The following KCNH8 variants were observed in gnomAD, a reference collection of about 807,000 sequenced individuals.
KCNH8 encodes the protein potassium voltage-gated channel subfamily H member 8.
KCNH8 carries 70 observed loss-of-function variants against 103.6 expected under a neutral mutation model. The observed-to-expected ratio is 0.68, with a 90% CI of 0.56 to 0.82. KCNH8 has a LOEUF of 0.82. KCNH8 is among the 40% of genes least tolerant of loss of function. The pLI is 0.00. For synonymous variants in KCNH8, 498 were observed against 489.4 expected, an observed-to-expected ratio of 1.02 and a Z score of -0.23; for missense variants, 1,217 against 1,329.9, an observed-to-expected ratio of 0.92 and a Z score of 1.32.
At chr3:19,409,053 C>G (rs2066736086) in intron 7 of KCNH8, among the ~76,000 whole-genome samples, 1 of 151,624 alleles carries the variant, frequency 6.6e-6, no homozygotes, top group African/African-American at 2.4e-5. Context: ...CAAATATCAC[C>G]AAGACATATA....
intron 15 of KCNH8, among the ~76,000 whole-genome samples, chr3:19,518,829 A>C (rs1471805200): frequency 6.6e-6 from 1 of 152,034 alleles, no homozygotes; most frequent in Admixed American, 6.6e-5. Context: ...AGAAATAAAT[A>C]CAAAAATAAG....
chr3:19,500,861 A>G (rs2068565535), intron 11 of KCNH8, among the ~76,000 whole-genome samples: 1 of 152,210 alleles, frequency 6.6e-6, no homozygotes, highest in Non-Finnish European at 1.5e-5. Context: ...TAACATGACA[A>G]TTAAAAGATC....
chr3:19,528,588 C>G (rs2069105992), intron 15 of KCNH8, among the ~76,000 whole-genome samples: 1 of 152,094 alleles, frequency 6.6e-6, no homozygotes, highest in African/African-American at 2.4e-5. Flanking sequence ...TATGTGAATT[C>G]TAACAGTCAT....
At chr3:19,494,151 T>C (rs1198903616) in intron 11 of KCNH8, among the ~76,000 whole-genome samples, 1 of 152,218 alleles carries the variant, frequency 6.6e-6, no homozygotes, top group Admixed American at 6.5e-5. Context: ...TCCACCCACG[T>C]TGCTGCAAAG....
intron 9 of KCNH8, chr3:19,450,638 G>A (rs1015052833): frequency 1.4e-4 from 45 of 315,102 alleles, no homozygotes; most frequent in Admixed American, 3.4e-4. Context: ...TCAAGTTTCT[G>A]TTTCCCTTAA....
At chr3:19,237,720 T>G (rs2064083856) in intron 1 of KCNH8, among the ~76,000 whole-genome samples, 1 of 152,180 alleles carries the variant, frequency 6.6e-6, no homozygotes, top group South Asian at 2.1e-4. Context: ...GTATATTAGC[T>G]CTGATTCACT....
chr3:19,282,043 C>T (rs2064763384), intron 3 of KCNH8, among the ~76,000 whole-genome samples: 1 of 152,050 alleles, frequency 6.6e-6, no homozygotes, highest in South Asian at 2.1e-4. Flanking sequence ...AAGCAATTAT[C>T]CTTTGTGGAT....
At chr3:19,263,030 C>T (rs190609154) in intron 2 of KCNH8, among the ~76,000 whole-genome samples, 20 of 152,054 alleles carry the variant, frequency 1.3e-4, no homozygotes, top group Admixed American at 2.6e-4. Flanking sequence ...TCATTAGCAC[C>T]GTGGGCATTA....
chr3:19,323,067 A>T lies in KCNH8; in HGVS notation c.443-19520A>T, dbSNP rs79999219. Among the ~76,000 whole-genome samples, 649 of 152,162 alleles carry T rather than the reference A, an allele frequency of 4.3e-3. 8 individuals are homozygous for T. Among genetic ancestry groups the T allele is most frequent in the Admixed American group, 0.014 (217 of 15,288 alleles). ...GATTGTTTTTTACGTTTGCTATTTC[A>T]TTGGAGATTTTTCCAGTCATATCCT... On this transcript the variant is annotated intron_variant, in intron 3 of 15. Coordinates refer to ENST00000328405, the MANE Select transcript of KCNH8 (RefSeq NM_144633.3).
intron 5 of KCNH8, among the ~76,000 whole-genome samples, chr3:19,374,684 A>T (rs2066162555): frequency 6.7e-6 from 1 of 149,002 alleles, no homozygotes; most frequent in African/African-American, 2.5e-5. Context: ...TAGTTGATGC[A>T]GTTTCTTCCT....
chr3:19,533,248 C>T (rs2069197838), intron 15 of KCNH8, 147 bp from the exon 16 acceptor site: 1 of 593,236 alleles, frequency 1.7e-6, no homozygotes, highest in East Asian at 2.9e-5. Flanking sequence ...TTCTTTTTCA[C>T]CAAGCAAATG....
chr3:19,434,235 A>T (rs574582747), intron 7 of KCNH8, among the ~76,000 whole-genome samples: 1 of 152,350 alleles, frequency 6.6e-6, no homozygotes, highest in African/African-American at 2.4e-5. Context: ...ATATGTAAGT[A>T]TGTTTCTTAT....
intron 11 of KCNH8, among the ~76,000 whole-genome samples, chr3:19,460,327 T>C (rs1295191363): frequency 6.6e-6 from 1 of 152,138 alleles, no homozygotes; most frequent in African/African-American, 2.4e-5. Flanking sequence ...CAACACCACG[T>C]GACTGCTGAA....
At chr3:19,367,223 T>C (rs1021282701) in intron 5 of KCNH8, among the ~76,000 whole-genome samples, 4 of 151,866 alleles carry the variant, frequency 2.6e-5, no homozygotes, top group African/African-American at 4.8e-5. Context: ...ATTAAATTTT[T>C]CTTATCCTTG....
At chr3:19,258,649 G>T (rs1431669637) in intron 2 of KCNH8, among the ~76,000 whole-genome samples, 1 of 151,818 alleles carries the variant, frequency 6.6e-6, no homozygotes, top group Non-Finnish European at 1.5e-5. Context: ...TAGTGTAAGT[G>T]AGTGAAGATT....
intron 6 of KCNH8, among the ~76,000 whole-genome samples, chr3:19,391,027 A>T (rs893810243): frequency 5.3e-5 from 8 of 151,840 alleles, no homozygotes; most frequent in African/African-American, 1.7e-4. Flanking sequence ...TGCTTGTATG[A>T]CCCTTAACTC....
intron 1 of KCNH8, among the ~76,000 whole-genome samples, chr3:19,152,556 A>C (rs1320365521): frequency 6.6e-6 from 1 of 152,232 alleles, no homozygotes; most frequent in Non-Finnish European, 1.5e-5. Context: ...AAAGTATTCA[A>C]AATAATGGTT....
At chr3:19,369,341 G>C (rs919386778) in intron 5 of KCNH8, among the ~76,000 whole-genome samples, 2 of 151,798 alleles carry the variant, frequency 1.3e-5, no homozygotes, top group Non-Finnish European at 2.9e-5. Context: ...GTCTACTACT[G>C]TGTTCTCTTG....
At chr3:19,442,821 A>G (rs776974961) in intron 8 of KCNH8, among the ~76,000 whole-genome samples, 10 of 152,130 alleles carry the variant, frequency 6.6e-5, no homozygotes, top group Non-Finnish European at 1.2e-4. Context: ...TTCCTAATTA[A>G]CTAATTAATT....
Sources: gnomAD v4.1 joint callset for allele counts (sites outside exome capture counted in the v4.1 genomes callset) on GRCh38, gnomAD v4.1.1 for gene constraint, MANE v1.5 for transcripts, NCBI Gene and HGNC (gene_info 2026-07-23, HGNC 2026-07-21) for gene names.